Variants in TTC28 observed in about 807,000 individuals in gnomAD.
TTC28 encodes the protein tetratricopeptide repeat protein 28.
Under a neutral mutation model 198.0 loss-of-function variants are expected in TTC28, and 61 were observed. The ratio of observed to expected loss-of-function variants is 0.31; its 90% confidence interval spans 0.25 to 0.38. The LOEUF (loss-of-function observed/expected upper bound fraction) is 0.38, where lower values mean the gene tolerates loss of function less well. Among genes scored for constraint, TTC28 ranks in the 10% least tolerant of loss-of-function variants. The pLI, the probability that TTC28 is intolerant of heterozygous loss-of-function variation, is 1.00. For missense variants in TTC28, 2,678 were observed against 3,164.0 expected (o/e 0.85, Z 3.69); for synonymous variants, 1,171 against 1,297.8 (o/e 0.90, Z 2.10).
At chr22:28,213,592 AAGG>A (rs1927119465) in intron 5 of TTC28, among the ~76,000 whole-genome samples, 3 of 119,138 alleles carry the variant, frequency 2.5e-5, no homozygotes, top group Non-Finnish European at 5.1e-5. Context: ...GGACCTCTTC[AAGG>A]AGAACTACAA....
rs563222946 is a variant in TTC28 at position 28,271,129 on chromosome 22, T to A, written c.933+25069A>T. 9.4e-4 allele frequency among the ~76,000 whole-genome samples: 143 copies of A among 151,766 alleles called. 2 individuals are homozygous for A. The highest frequency in any genetic ancestry group is 2.9e-3 in the African/African-American group (122 of 41,388). On this transcript the variant is annotated intron_variant, in intron 5 of 22. Transcript: ENST00000397906. Reference sequence around the variant, plus strand: ...TTTTTTCAGTATTTTTTTTTTTTTTTAATAAAAGACAGGTCTCACTATACC... The same window carrying A: ...TTTTTTCAGTATTTTTTTTTTTTTTAAATAAAAGACAGGTCTCACTATACC...
chr22:28,161,211 T>C (rs752485762), intron 6 of TTC28, among the ~76,000 whole-genome samples: 1 of 152,188 alleles, frequency 6.6e-6, no homozygotes, highest in Non-Finnish European at 1.5e-5. Context: ...AGAGAAAATT[T>C]TGTATCTGTA....
chr22:28,605,026 A>G (rs1282628158), intron 2 of TTC28, among the ~76,000 whole-genome samples: 1 of 152,236 alleles, frequency 6.6e-6, no homozygotes, highest in African/African-American at 2.4e-5. Context: ...TAGTCATTAG[A>G]AAGAAACATT....
chr22:28,493,944 C>A (rs548812909), intron 2 of TTC28, among the ~76,000 whole-genome samples: 3 of 152,134 alleles, frequency 2.0e-5, no homozygotes, highest in South Asian at 2.1e-4. Flanking sequence ...ATAAGGCAAC[C>A]AAAACAAGGA....
chr22:28,656,226 A>T (rs2051649116), intron 1 of TTC28, among the ~76,000 whole-genome samples: 1 of 152,288 alleles, frequency 6.6e-6, no homozygotes, highest in South Asian at 2.1e-4. Flanking sequence ...AGGCCCAAGG[A>T]GCCTGGGACT....
At chr22:28,088,132 T>A (rs1179174927) in intron 12 of TTC28, among the ~76,000 whole-genome samples, 1 of 152,116 alleles carries the variant, frequency 6.6e-6, no homozygotes, top group East Asian at 1.9e-4. Context: ...AAGCTACCAA[T>A]GACTTTCTTC....
intron 2 of TTC28, among the ~76,000 whole-genome samples, chr22:28,593,989 T>C (rs1255401549): frequency 6.6e-6 from 1 of 152,030 alleles, no homozygotes. Context: ...TTGGAAGAAA[T>C]TGTTTTATTA....
chr22:28,144,042 C>T (rs1943403175), intron 6 of TTC28, among the ~76,000 whole-genome samples: 1 of 152,140 alleles, frequency 6.6e-6, no homozygotes, highest in Admixed American at 6.5e-5. Context: ...ACCTCCAAGG[C>T]AGAAGGAAGT....
chr22:28,614,709 A>G lies in TTC28; in HGVS notation c.381+14843T>C, dbSNP rs149655751. Among the ~76,000 whole-genome samples, 346 of 152,348 alleles carry G rather than the reference A, an allele frequency of 2.3e-3. 2 individuals are homozygous for G. Among genetic ancestry groups the G allele is most frequent in the African/African-American group, 8.1e-3 (337 of 41,582 alleles). ...GCAATGGGGGAAGGATTCCCTATTT[A>G]ATAAATGGTGCTGGGAAAACTGGCT... On this transcript the variant is annotated intron_variant, in intron 2 of 22. Transcript: ENST00000397906.
At chr22:28,152,814 A>G (rs1022280880) in intron 6 of TTC28, among the ~76,000 whole-genome samples, 1 of 152,236 alleles carries the variant, frequency 6.6e-6, no homozygotes, top group Admixed American at 6.5e-5. Context: ...ATAAAATATC[A>G]TCAGGTTTCC....
chr22:28,190,881 C>G (rs1166545673), intron 5 of TTC28, among the ~76,000 whole-genome samples: 2 of 152,152 alleles, frequency 1.3e-5, no homozygotes, highest in Non-Finnish European at 2.9e-5. Context: ...CTCTTTTTCT[C>G]TCACCTGCAT....
At chr22:28,046,039 G>A (rs911105840) in intron 12 of TTC28, among the ~76,000 whole-genome samples, 2 of 152,172 alleles carry the variant, frequency 1.3e-5, no homozygotes, top group Non-Finnish European at 2.9e-5. Flanking sequence ...ATACATGAAA[G>A]TTCTTTGTAA....
chr22:28,296,872 C>G (rs1281730990), intron 4 of TTC28, among the ~76,000 whole-genome samples: 1 of 152,122 alleles, frequency 6.6e-6, no homozygotes, highest in Non-Finnish European at 1.5e-5. Flanking sequence ...AAACTTGCCC[C>G]AAGTCACACA....
rs1314844590 is a variant in TTC28 at position 28,475,163 on chromosome 22, AAAAAAAAAAGAAAG to A, written c.381+154375_381+154388del. On this transcript the variant is annotated intron_variant, in intron 2 of 22. Coordinates refer to ENST00000397906, the MANE Select transcript of TTC28 (RefSeq NM_001145418.2). ...AGACTCCATCTCAAAAAAAAAAAAA[AAAAAAAAAAGAAAG>A]AAAAGAAAAGAAAGAAAGATTAATA... Among the ~76,000 whole-genome samples the A allele has an allele frequency of 4.0e-5, 6 of 150,214 alleles. 1 individual carries two copies. Among genetic ancestry groups the A allele is most frequent in the Non-Finnish European group, 8.9e-5 (6 of 67,520 alleles).
At chr22:28,502,676 G>A (rs1194892981) in intron 2 of TTC28, among the ~76,000 whole-genome samples, 1 of 151,794 alleles carries the variant, frequency 6.6e-6, no homozygotes, top group African/African-American at 2.4e-5. Context: ...AGAAAACGTA[G>A]AGGCAGCATC....
chr22:28,452,198 G>A (rs888808112), intron 2 of TTC28, among the ~76,000 whole-genome samples: 1 of 151,892 alleles, frequency 6.6e-6, no homozygotes, highest in Non-Finnish European at 1.5e-5. Context: ...GACCATCCTG[G>A]CTAACATGGT....
Position 28,203,707 on chromosome 22 carries a change from A to G in TTC28, c.934-40108T>C, listed in dbSNP as rs184820454. ...GTATTCTCCACCCCCAACCACTCCC[A>G]CCCACCTGCCTCTGTGGATTAACAC... On this transcript the variant is annotated intron_variant, in intron 5 of 22. Coordinates refer to ENST00000397906, the MANE Select transcript of TTC28 (RefSeq NM_001145418.2). 2.0e-3 allele frequency among the ~76,000 whole-genome samples: 303 copies of G among 152,130 alleles called. 4 individuals carry two copies. The highest frequency in any genetic ancestry group is 6.8e-3 in the African/African-American group (282 of 41,510).
chr22:28,145,713 T>C (rs1943453804), intron 6 of TTC28, among the ~76,000 whole-genome samples: 1 of 152,240 alleles, frequency 6.6e-6, no homozygotes, highest in African/African-American at 2.4e-5. Flanking sequence ...ATGTTATGTA[T>C]TTCAGTAGCA....
intron 1 of TTC28, among the ~76,000 whole-genome samples, chr22:28,669,286 A>G (rs1255139771): frequency 2.1e-5 from 3 of 145,286 alleles, no homozygotes; most frequent in Non-Finnish European, 4.5e-5. Context: ...CATGTACCCT[A>G]AAACTTAGAG....
Sources: allele counts gnomAD v4.1 joint callset (sites outside exome capture counted in the v4.1 genomes callset), GRCh38; gene constraint gnomAD v4.1.1; transcripts MANE v1.5; gene names NCBI Gene and HGNC (gene_info 2026-07-23, HGNC 2026-07-21).